EMID1: variants seen among roughly 807,000 people sequenced by gnomAD.
EMID1 encodes the protein EMI domain-containing protein 1.
In EMID1, 40 loss-of-function variants were observed where a neutral mutation model predicts 60.6. The ratio of observed to expected loss-of-function variants is 0.66; its 90% CI spans 0.51 to 0.86. The LOEUF (loss-of-function observed/expected upper bound fraction) is 0.86, where lower values mean the gene tolerates loss of function less well. Ranked by LOEUF, EMID1 falls within the 40% of genes least tolerant of loss-of-function variation. The pLI is 0.00. For missense variants in EMID1, 585 were observed against 597.1 expected (o/e 0.98, Z 0.21); for synonymous variants, 242 against 231.0 (o/e 1.05, Z -0.43).
chr22:29,216,682 C>T (rs2040095026), intron 3 of EMID1: 1 of 982,988 alleles, frequency 1.0e-6, no homozygotes, highest in Non-Finnish European at 1.2e-6. Context: ...GGACCCTCAA[C>T]AGCCCAGTTC....
chr22:29,226,157 C>T (rs2040500780), intron 4 of EMID1, among the ~76,000 whole-genome samples: 1 of 152,150 alleles, frequency 6.6e-6, no homozygotes, highest in Non-Finnish European at 1.5e-5. Flanking sequence ...TGGAGAAGTC[C>T]TCAGCCTCAT....
In EMID1 at chr22:29,251,664, A is replaced by AT. The variant is rs566137068; in HGVS notation, c.1120-2530dup. Among the ~76,000 whole-genome samples, 442 of 150,934 alleles carry AT rather than the reference A, an allele frequency of 2.9e-3. 1 individual carries two copies. The highest frequency in any genetic ancestry group is 4.6e-3 in the Non-Finnish European group (313 of 67,648). ...AGGTGTGTGCCACCACACCCAAATAATTTTTTTTTCTTTTTTTTGAGATGG... is the reference window on the plus strand; with the variant it reads ...AGGTGTGTGCCACCACACCCAAATAATTTTTTTTTTCTTTTTTTTGAGATGG... On this transcript the variant is annotated intron_variant, in intron 13 of 14. Transcript: ENST00000334018.
At chr22:29,254,704 C>G (rs1569010054) in intron 14 of EMID1, 1 of 202,122 alleles carries the variant, frequency 4.9e-6, no homozygotes, top group African/African-American at 2.3e-5. Flanking sequence ...CAGCTCAGGA[C>G]AACAGGAGGA....
At chr22:29,216,487 C>A (rs1420560462) in intron 3 of EMID1, 1 of 985,346 alleles carries the variant, frequency 1.0e-6, no homozygotes, top group Non-Finnish European at 1.2e-6. Flanking sequence ...AGAGACAGCT[C>A]AAGGGACAGA....
At chr22:29,227,240 A>G (rs1335172577) in intron 5 of EMID1, among the ~76,000 whole-genome samples, 2 of 152,046 alleles carry the variant, frequency 1.3e-5, no homozygotes, top group Non-Finnish European at 2.9e-5. Flanking sequence ...ATAGGTGAAC[A>G]ATACCACATC....
chr22:29,250,561 CT>C (rs112503246), intron 13 of EMID1, among the ~76,000 whole-genome samples: 2 of 147,994 alleles, frequency 1.4e-5, no homozygotes, highest in Non-Finnish European at 3.0e-5. Context: ...TTTATTTTAT[CT>C]TTTTTTTTTC....
At position 29,231,694 on chromosome 22, in the gene EMID1, C is replaced by T. The variant is rs1236469463; in HGVS notation, c.676+12C>T. 3.5e-6 allele frequency: 5 copies of T among 1,448,822 alleles called. No individual in the cohort carries two copies. Among genetic ancestry groups the T allele is most frequent in the Non-Finnish European group, 4.6e-6 (5 of 1,097,078 alleles). 89.7% of individuals were successfully genotyped at this position (1,448,822 alleles called of 1,614,324 possible). A position where few individuals can be genotyped will look rare whatever the true frequency, so the allele number is the denominator to read the frequency against. On this transcript the variant is annotated intron_variant, in intron 7 of 14. Coordinates refer to ENST00000334018, the MANE Select transcript of EMID1 (RefSeq NM_133455.4). ...GAGAGGCCCACCAGGTGAGTGCCCGCAATGCTGCCCCACAGCTCCTCTGGC... is the reference window on the plus strand; with the variant it reads ...GAGAGGCCCACCAGGTGAGTGCCCGTAATGCTGCCCCACAGCTCCTCTGGC...
At chr22:29,209,439 A>G (rs1290399435) in intron 1 of EMID1, among the ~76,000 whole-genome samples, 1 of 152,110 alleles carries the variant, frequency 6.6e-6, no homozygotes, top group African/African-American at 2.4e-5. Context: ...ACCACACCCC[A>G]GGGAAGGAAG....
At chr22:29,231,706 A>G in intron 7 of EMID1, 24 bp downstream of exon 7, 1 of 1,439,434 alleles carries the variant, frequency 6.9e-7, no homozygotes. Flanking sequence ...ATGCTGCCCC[A>G]CAGCTCCTCT....
intron 3 of EMID1, among the ~76,000 whole-genome samples, chr22:29,224,624 G>A (rs2040430572): frequency 6.6e-6 from 1 of 152,246 alleles, no homozygotes; most frequent in Non-Finnish European, 1.5e-5. Context: ...AGTGTGGATG[G>A]CGACAGCCAC....
At position 29,233,410 on chromosome 22, in the gene EMID1, G is replaced by T; in HGVS notation, c.855G>T (p.Glu285Asp). Residue 285 changes from glutamate (E) to aspartate (D), a missense_variant, in exon 9 of 15, where the codon GAG (glutamate) becomes GAT (aspartate). Physicochemically the swap from Glu to Asp is conservative, Grantham distance 45. Transcript: ENST00000334018. ...GDPLLSNTFT[E>D]TNNHWPQGPT... ...CATTGCTGTCCAACACCTTCACTGAGACCAACAACCACTGGCCCCAGGGAC... is the reference window on the plus strand; with the variant it reads ...CATTGCTGTCCAACACCTTCACTGATACCAACAACCACTGGCCCCAGGGAC... The T allele has an allele frequency of 6.2e-7, 1 of 1,614,108 alleles. No individual in the cohort carries two copies. The highest frequency in any genetic ancestry group is 1.1e-5 in the South Asian group (1 of 91,088).
At chr22:29,215,720 T>A in intron 3 of EMID1, 90 bp downstream of exon 3, 1 of 1,001,992 alleles carries the variant, frequency 1.0e-6, no homozygotes, top group Non-Finnish European at 1.6e-6. Flanking sequence ...ATTAAGAGAG[T>A]CATGCACAGT....
intron 3 of EMID1, among the ~76,000 whole-genome samples, chr22:29,221,349 T>G (rs549648801): frequency 6.6e-6 from 1 of 152,158 alleles, no homozygotes; most frequent in Non-Finnish European, 1.5e-5. Context: ...ATGGGAGGGA[T>G]ATGACATTTT....
chr22:29,244,629 ACT>A lies in EMID1; in HGVS notation c.1119+1143_1119+1144del, dbSNP rs577713737. On this transcript the variant is annotated intron_variant, in intron 13 of 14. Transcript: ENST00000334018. ...ACTCCAGCCTGGGCGACGGAACGAG[ACT>A]CTGTCTCAAAAAAAAAAAAAGAAAA... Among the ~76,000 whole-genome samples the A allele has an allele frequency of 2.3e-3, 344 of 148,394 alleles. 1 individual carries two copies. Among genetic ancestry groups the A allele is most frequent in the Non-Finnish European group, 4.4e-3 (296 of 67,246 alleles).
chr22:29,248,576 G>C (rs1490625175), intron 13 of EMID1, among the ~76,000 whole-genome samples: 1 of 152,114 alleles, frequency 6.6e-6, no homozygotes, highest in African/African-American at 2.4e-5. Flanking sequence ...AGGTGCAGTG[G>C]CTCACATCTA....
chr22:29,235,719 T>TA (rs1242239263), intron 12 of EMID1, among the ~76,000 whole-genome samples: 1 of 151,040 alleles, frequency 6.6e-6, no homozygotes, highest in African/African-American at 2.4e-5. Context: ...GTGCCTGACT[T>TA]AAAATCTTCT....
rs976180375 is a variant in EMID1, at chr22:29,234,143, C to T, written c.973C>T (p.Pro325Ser). The T allele has an allele frequency of 1.3e-6, 2 of 1,590,068 alleles. No homozygotes were observed. The highest frequency in any genetic ancestry group is 1.7e-6 in the Non-Finnish European group (2 of 1,167,656). The change falls in exon 11 of 15, where the codon CCA becomes TCA. Residue 325 changes from proline (P) to serine (S), a missense_variant. By Grantham distance (74) the Pro-to-Ser change is moderately conservative. Transcript: ENST00000334018. ...VPGSPGHIGP[P>S]GPTGPKGISG... ...GCCCTGTCTTGTTGCTCAGGGACCCCCAGGCCCCACTGGACCCAAAGGAAT... is the reference window on the plus strand; with the variant it reads ...GCCCTGTCTTGTTGCTCAGGGACCCTCAGGCCCCACTGGACCCAAAGGAAT...
At chr22:29,219,816 C>T (rs2040225975) in intron 3 of EMID1, among the ~76,000 whole-genome samples, 1 of 152,140 alleles carries the variant, frequency 6.6e-6, no homozygotes, top group South Asian at 2.1e-4. Context: ...TAAAAACAGA[C>T]TGAGATTCTA....
chr22:29,219,170 C>T (rs564765333), intron 3 of EMID1, among the ~76,000 whole-genome samples: 29 of 152,298 alleles, frequency 1.9e-4, no homozygotes, highest in African/African-American at 6.0e-4. Context: ...AGTCTGACTG[C>T]AGTCAGGGGT....
Sources: allele counts gnomAD v4.1 joint callset (sites outside exome capture counted in the v4.1 genomes callset), GRCh38; gene constraint gnomAD v4.1.1; transcripts MANE v1.5; gene names NCBI Gene and HGNC (gene_info 2026-07-23, HGNC 2026-07-21).